MAML3: variants seen among roughly 807,000 people sequenced by gnomAD.
MAML3 encodes the protein mastermind-like protein 3.
Under a neutral mutation model 101.9 loss-of-function variants are expected in MAML3, and 27 were observed. The observed-to-expected ratio is 0.27, with a 90% CI of 0.20 to 0.37. The LOEUF is 0.37. Ranked by LOEUF, MAML3 falls within the 10% of genes least tolerant of loss-of-function variation. The pLI, the probability that MAML3 is intolerant of heterozygous loss-of-function variation, is 1.00. For synonymous variants in MAML3, 501 were observed against 555.9 expected (o/e 0.90, Z 1.39); for missense variants, 1,316 against 1,444.9 (o/e 0.91, Z 1.45).
At chr4:140,076,412 G>A (rs1191507750) in intron 1 of MAML3, among the ~76,000 whole-genome samples, 1 of 152,154 alleles carries the variant, frequency 6.6e-6, no homozygotes, top group African/African-American at 2.4e-5. Flanking sequence ...GGCTGGTGGA[G>A]ATCTCAGGAT....
At chr4:140,148,815 A>G (rs978503763) in intron 1 of MAML3, among the ~76,000 whole-genome samples, 1 of 152,236 alleles carries the variant, frequency 6.6e-6, no homozygotes, top group Non-Finnish European at 1.5e-5. Flanking sequence ...TTTATTATTA[A>G]ATGCATGTTA....
intron 1 of MAML3, among the ~76,000 whole-genome samples, chr4:140,106,949 C>A (rs555660192): frequency 6.6e-6 from 1 of 152,324 alleles, no homozygotes; most frequent in East Asian, 1.9e-4. Context: ...CGGCTCACTG[C>A]AACCTCTGCC....
chr4:139,741,893 C>G (rs906281131), intron 2 of MAML3, among the ~76,000 whole-genome samples: 2 of 152,044 alleles, frequency 1.3e-5, no homozygotes, highest in Non-Finnish European at 2.9e-5. Context: ...TTTTAAAACG[C>G]CCTATTGTCA....
At chr4:139,849,721 T>A (rs1423425028) in intron 2 of MAML3, among the ~76,000 whole-genome samples, 1 of 152,262 alleles carries the variant, frequency 6.6e-6, no homozygotes, top group African/African-American at 2.4e-5. Flanking sequence ...AGATCCACTG[T>A]AACTTAACCA....
At chr4:139,825,823 A>G (rs972342510) in intron 2 of MAML3, among the ~76,000 whole-genome samples, 2 of 152,086 alleles carry the variant, frequency 1.3e-5, no homozygotes, top group Non-Finnish European at 2.9e-5. Flanking sequence ...GAGCTCTTCA[A>G]ACAAGCACTG....
chr4:140,075,318 C>T (rs1396083863), intron 1 of MAML3, among the ~76,000 whole-genome samples: 5 of 152,034 alleles, frequency 3.3e-5, no homozygotes, highest in Non-Finnish European at 5.9e-5. Context: ...CCAAAATTAA[C>T]TGCATTAAAG....
At chr4:139,746,898 G>A (rs1243550709) in intron 2 of MAML3, among the ~76,000 whole-genome samples, 1 of 152,174 alleles carries the variant, frequency 6.6e-6, no homozygotes, top group Non-Finnish European at 1.5e-5. Context: ...CGGGTGGGAG[G>A]GGGTTGCTGG....
At chr4:139,789,574 T>C (rs1249384322) in intron 2 of MAML3, among the ~76,000 whole-genome samples, 1 of 152,124 alleles carries the variant, frequency 6.6e-6, no homozygotes, top group African/African-American at 2.4e-5. Flanking sequence ...GGGGAAGGCC[T>C]GGGTGGGGAC....
In MAML3 at chr4:140,133,112, T is replaced by A. The variant is rs1396331635; in HGVS notation, c.468+19748A>T. The A allele has an allele frequency of 1.6e-5, 7 of 445,970 alleles. No individual in the cohort carries two copies. In the Admixed American group the frequency reaches 1.7e-4, roughly 11 times the overall value. The allele number at this position is 445,970 out of a possible 1,614,324, so 27.6% of individuals were successfully genotyped here. A position where few individuals can be genotyped will look rare whatever the true frequency, so the allele number is the denominator to read the frequency against. On this transcript the variant is annotated intron_variant, in intron 1 of 4. Transcript: ENST00000509479. ...CCACTATGTGCTGTTACATGCCATA[T>A]ACATGGTAAATATTTATTTACAGTG...
chr4:140,112,110 C>T (rs1242229853), intron 1 of MAML3, among the ~76,000 whole-genome samples: 4 of 152,146 alleles, frequency 2.6e-5, no homozygotes, highest in African/African-American at 9.7e-5. Context: ...CCTCTCCCCT[C>T]ATTTGTTTAT....
At chr4:140,122,158 G>T (rs1179852291) in intron 1 of MAML3, among the ~76,000 whole-genome samples, 2 of 131,220 alleles carry the variant, frequency 1.5e-5, no homozygotes, top group Middle Eastern at 8.0e-3. Flanking sequence ...GATTTTTTTT[G>T]AATACTTATT....
intron 1 of MAML3, among the ~76,000 whole-genome samples, chr4:139,909,836 C>CAA (rs11379402): frequency 0.1 from 5,986 of 58,336 alleles, 900 homozygotes; most frequent in African/African-American, 0.16. Flanking sequence ...GATGCCGTCT[C>CAA]AAAAAAAAAA....
intron 1 of MAML3, among the ~76,000 whole-genome samples, chr4:139,964,869 A>G (rs1324836282): frequency 1.3e-5 from 2 of 152,164 alleles, no homozygotes; most frequent in Non-Finnish European, 2.9e-5. Flanking sequence ...CAGGAAAAGT[A>G]AAAAAAGAAA....
chr4:139,880,524 T>C (rs1046444568), intron 2 of MAML3, among the ~76,000 whole-genome samples: 17 of 152,262 alleles, frequency 1.1e-4, no homozygotes, highest in Admixed American at 3.9e-4. Flanking sequence ...ACTGTTTTCA[T>C]AGTCCTTGAA....
At chr4:139,903,475 G>A (rs1032394025) in intron 1 of MAML3, among the ~76,000 whole-genome samples, 13 of 152,246 alleles carry the variant, frequency 8.5e-5, no homozygotes, top group African/African-American at 2.9e-4. Context: ...AGCAGTCTAC[G>A]TCCAGTCTAG....
intron 1 of MAML3, among the ~76,000 whole-genome samples, chr4:140,092,654 G>C (rs1728080300): frequency 6.6e-6 from 1 of 152,210 alleles, no homozygotes; most frequent in Non-Finnish European, 1.5e-5. Flanking sequence ...TCAGGGGCCA[G>C]GCCCAGTCGA....
intron 1 of MAML3, among the ~76,000 whole-genome samples, chr4:140,119,532 G>A (rs1229520840): frequency 6.6e-6 from 1 of 151,718 alleles, no homozygotes; most frequent in African/African-American, 2.4e-5. Context: ...GACATTTTGG[G>A]ATACACAATT....
intron 1 of MAML3, among the ~76,000 whole-genome samples, chr4:140,033,144 T>C (rs1202681595): frequency 1.3e-5 from 2 of 152,188 alleles, no homozygotes; most frequent in African/African-American, 2.4e-5. Flanking sequence ...ACATAATCAA[T>C]AGACCTAGAA....
At position 139,763,132 on chromosome 4, in the gene MAML3, T is replaced by C. The variant is rs183197463; in HGVS notation, c.2080-32465A>G. ...CCAGGGACTTATCCAGGGATGACAA[T>C]CTAACTTTTTAGGGTCTGATTGAAA... On this transcript the variant is annotated intron_variant, in intron 2 of 4. Coordinates refer to ENST00000509479, the MANE Select transcript of MAML3 (RefSeq NM_018717.5). 1.2e-4 allele frequency among the ~76,000 whole-genome samples: 18 copies of C among 152,310 alleles called. No homozygotes were observed. In the East Asian group the frequency reaches 3.3e-3, roughly 28 times the overall value.
Sources: allele counts gnomAD v4.1 joint callset (sites outside exome capture counted in the v4.1 genomes callset), GRCh38; gene constraint gnomAD v4.1.1; transcripts MANE v1.5; gene names NCBI Gene and HGNC (gene_info 2026-07-23, HGNC 2026-07-21).